The following CERT1 variants were observed in gnomAD, a reference collection of about 807,000 sequenced individuals.
The protein encoded by CERT1 is ceramide transporter 1, also known as ceramide transfer protein.
A neutral mutation model predicts 87.9 loss-of-function variants in CERT1; 31 were observed. That is an observed-to-expected ratio of 0.35 (90% CI 0.27 to 0.48). The LOEUF (loss-of-function observed/expected upper bound fraction) is 0.48. CERT1 is among the 20% of genes least tolerant of loss of function. CERT1 has a pLI of 0.99. For synonymous variants in CERT1, 289 were observed against 250.9 expected, an observed-to-expected ratio of 1.15 and a Z score of -1.44; for missense variants, 487 against 758.0, an observed-to-expected ratio of 0.64 and a Z score of 4.20.
intron 2 of CERT1, among the ~76,000 whole-genome samples, chr5:75,481,561 A>G (rs564953161): frequency 2.4e-4 from 36 of 152,352 alleles, no homozygotes; most frequent in African/African-American, 6.3e-4. Context: ...ACAGACTCCC[A>G]AAGTCAGTCT....
intron 7 of CERT1, 138 bp downstream of exon 7, chr5:75,416,738 A>C: frequency 1.6e-6 from 1 of 620,778 alleles, no homozygotes. Flanking sequence ...ATGCCCATAA[A>C]GCTTCAGAGT....
At chr5:75,401,734 A>T (rs1940656328) in intron 9 of CERT1, 1 of 152,214 alleles carries the variant, frequency 6.6e-6, no homozygotes, top group South Asian at 2.1e-4. Context: ...AAAGATACAC[A>T]TGAGAAGCAG....
intron 2 of CERT1, among the ~76,000 whole-genome samples, chr5:75,488,424 ATTTACT>A (rs1192015720): frequency 6.6e-6 from 1 of 152,116 alleles, no homozygotes; most frequent in Non-Finnish European, 1.5e-5. Context: ...TCCAAAAAAG[ATTTACT>A]TTTATATAGA....
rs141352262 is a variant in CERT1, at chr5:75,405,155, C to T, written c.931-2097G>A. 3.9e-4 allele frequency among the ~76,000 whole-genome samples: 60 copies of T among 152,114 alleles called. No individual in the cohort carries two copies. The South Asian group carries it at 0.012, about 31-fold the overall frequency. On this transcript the variant is annotated intron_variant, in intron 8 of 16. Transcript: ENST00000643780. ...TATTAAAAGGGACTTTAAAAAAAAC[C>T]CTTTTATCTCATCATGCTTACTAAG...
chr5:75,388,238 T>C (rs140982394), intron 12 of CERT1, among the ~76,000 whole-genome samples: 61 of 152,312 alleles, frequency 4.0e-4, no homozygotes, highest in African/African-American at 1.3e-3. Context: ...CTCATTTATC[T>C]GTCTGTTTTA....
chr5:75,369,005 CGG>C (rs1287191282), intron 17 of CERT1: 1 of 152,066 alleles, frequency 6.6e-6, no homozygotes, highest in Non-Finnish European at 1.5e-5. Flanking sequence ...TTCCACCTCC[CGG>C]GATCAAGCAA....
At chr5:75,427,723 A>G (rs1187239215) in intron 3 of CERT1, among the ~76,000 whole-genome samples, 3 of 152,208 alleles carry the variant, frequency 2.0e-5, no homozygotes, top group Non-Finnish European at 4.4e-5. Context: ...CCTCTGTACT[A>G]TTATGGTTCT....
chr5:75,415,192 C>G (rs1763089757), intron 7 of CERT1, among the ~76,000 whole-genome samples: 1 of 152,154 alleles, frequency 6.6e-6, no homozygotes, highest in African/African-American at 2.4e-5. Flanking sequence ...TACACACACA[C>G]TTACATTCCA....
intron 2 of CERT1, among the ~76,000 whole-genome samples, chr5:75,468,010 G>T (rs1176733633): frequency 6.6e-6 from 1 of 152,150 alleles, no homozygotes. Context: ...GCAAAAAGTG[G>T]TTGGCCCTTA....
At chr5:75,369,890 C>T (rs1016631587) in intron 17 of CERT1, 2 of 152,166 alleles carry the variant, frequency 1.3e-5, no homozygotes, top group South Asian at 4.1e-4. Flanking sequence ...GTGGAACGTT[C>T]ACAGAAAATG....
chr5:75,454,202 A>G (rs1265240867), intron 3 of CERT1, among the ~76,000 whole-genome samples: 1 of 152,206 alleles, frequency 6.6e-6, no homozygotes, highest in Non-Finnish European at 1.5e-5. Flanking sequence ...TGCTGAGGGT[A>G]TGGTAACACA....
At chr5:75,439,841 C>T (rs1764248951) in intron 3 of CERT1, among the ~76,000 whole-genome samples, 2 of 151,886 alleles carry the variant, frequency 1.3e-5, no homozygotes, top group Non-Finnish European at 2.9e-5. Context: ...AATATATTAT[C>T]TGAGGTAAAA....
chr5:75,371,636 G>A (rs1279433105), intron 17 of CERT1: 6 of 152,210 alleles, frequency 3.9e-5, no homozygotes, highest in Non-Finnish European at 7.3e-5. Flanking sequence ...CAGGAGTCCT[G>A]AATTCCAACT....
At chr5:75,441,841 T>C (rs1392703097) in intron 3 of CERT1, among the ~76,000 whole-genome samples, 1 of 152,252 alleles carries the variant, frequency 6.6e-6, no homozygotes, top group African/African-American at 2.4e-5. Flanking sequence ...TTCCATGTTT[T>C]TGTGATTGTG....
intron 8 of CERT1, among the ~76,000 whole-genome samples, chr5:75,408,411 C>T (rs1387363303): frequency 6.6e-6 from 1 of 152,184 alleles, no homozygotes; most frequent in Non-Finnish European, 1.5e-5. Context: ...CAGACCTTCT[C>T]CCTGTAACCA....
In CERT1 at chr5:75,511,347, G is replaced by A. The variant is rs993938595; in HGVS notation, c.-140C>T. 3.3e-5 allele frequency: 51 copies of A among 1,543,300 alleles called. No homozygotes were observed. Among genetic ancestry groups the A allele is most frequent in the Middle Eastern group, 3.8e-4 (2 of 5,252 alleles). On this transcript the variant is annotated 5_prime_UTR_variant, in exon 1 of 17. Transcript: ENST00000643780. ...CGGTGTGGGGGGGAGCAGGAGGAGG[G>A]ACGAAGTCCGCCCGCCGCGCCGCCG...
At position 75,492,977 on chromosome 5, in the gene CERT1, C is replaced by T. The variant is rs140624335; in HGVS notation, c.231+13005G>A. On this transcript the variant is annotated intron_variant, in intron 2 of 16. Coordinates refer to ENST00000643780, the MANE Select transcript of CERT1 (RefSeq NM_001379029.1). ...TTAGGTCTGGGGCAGGCCTGAGAAT[C>T]TGCATTTCTAACAAGTTCACAGTTT... Among the ~76,000 whole-genome samples, 316 of 152,322 alleles carry T rather than the reference C, an allele frequency of 2.1e-3. 1 individual carries two copies. The East Asian group carries it at 0.027, about 13-fold the overall frequency.
intron 2 of CERT1, among the ~76,000 whole-genome samples, chr5:75,463,925 C>T (rs1298703074): frequency 1.3e-5 from 2 of 152,066 alleles, no homozygotes; most frequent in Non-Finnish European, 2.9e-5. Flanking sequence ...AGAGTTCTGG[C>T]ATCTCATTGT....
chr5:75,418,928 CA>C (rs1398186601), intron 6 of CERT1, among the ~76,000 whole-genome samples: 1 of 152,106 alleles, frequency 6.6e-6, no homozygotes, highest in African/African-American at 2.4e-5. Context: ...CCAAATTTAT[CA>C]AATTATACAC....
Sources: allele counts gnomAD v4.1 joint callset (sites outside exome capture counted in the v4.1 genomes callset), GRCh38; gene constraint gnomAD v4.1.1; transcripts MANE v1.5; gene names NCBI Gene and HGNC (gene_info 2026-07-23, HGNC 2026-07-21).